The following MAGI2 variants were observed in gnomAD, a reference collection of about 807,000 sequenced individuals.
MAGI2 encodes the protein membrane-associated guanylate kinase, WW and PDZ domain-containing protein 2.
A neutral mutation model predicts 133.3 loss-of-function variants in MAGI2; 35 were observed. The ratio of observed to expected loss-of-function variants is 0.26; its 90% CI spans 0.20 to 0.35. The LOEUF is 0.35. Ranked by LOEUF, MAGI2 falls within the 10% of genes least tolerant of loss-of-function variation. The pLI, the probability that MAGI2 is intolerant of heterozygous loss-of-function variation, is 1.00. For missense variants in MAGI2, 1,636 were observed against 1,863.4 expected (o/e 0.88, Z 2.25); for synonymous variants, 729 against 710.6 (o/e 1.03, Z -0.41).
chr7:78,085,214 T>C (rs530959556), intron 20 of MAGI2, among the ~76,000 whole-genome samples: 2 of 152,296 alleles, frequency 1.3e-5, no homozygotes, highest in African/African-American at 4.8e-5. Context: ...CTTTATGCTA[T>C]GTTTTAGACA....
At chr7:78,287,482 C>G (rs771951053) in intron 9 of MAGI2, among the ~76,000 whole-genome samples, 1 of 152,122 alleles carries the variant, frequency 6.6e-6, no homozygotes, top group Non-Finnish European at 1.5e-5. Flanking sequence ...GGAGGTGGAA[C>G]AGACAATCTC....
intron 1 of MAGI2, among the ~76,000 whole-genome samples, chr7:79,185,550 G>A (rs1344277339): frequency 7.3e-6 from 1 of 136,122 alleles, no homozygotes. Context: ...TCAATGGCAT[G>A]TCTATTACAT....
chr7:78,212,389 G>T (rs1023447546), intron 10 of MAGI2, among the ~76,000 whole-genome samples: 1 of 152,174 alleles, frequency 6.6e-6, no homozygotes, highest in Non-Finnish European at 1.5e-5. Context: ...TTTCAAGAGA[G>T]GAAACGTTCC....
At chr7:79,218,217 ACC>A (rs1830181388) in intron 1 of MAGI2, among the ~76,000 whole-genome samples, 2 of 152,044 alleles carry the variant, frequency 1.3e-5, no homozygotes, top group African/African-American at 4.8e-5. Context: ...GTATTCCATG[ACC>A]TTATATATAA....
chr7:78,358,208 T>C (rs1325175310), intron 7 of MAGI2: 2 of 44,098 alleles, frequency 4.5e-5, no homozygotes, highest in African/African-American at 2.2e-4. Flanking sequence ...TATATATATA[T>C]ATATATATAT....
At chr7:79,452,829 C>A (rs745536685) in intron 1 of MAGI2, 191 bp downstream of exon 1, 3 of 614,606 alleles carry the variant, frequency 4.9e-6, no homozygotes, top group Non-Finnish European at 8.3e-6. Context: ...ACACCACAAC[C>A]TGCCCCTCCC....
At chr7:78,569,372 C>T (rs1801274347) in intron 3 of MAGI2, among the ~76,000 whole-genome samples, 1 of 152,108 alleles carries the variant, frequency 6.6e-6, no homozygotes, top group Admixed American at 6.5e-5. Flanking sequence ...ATCACATGTT[C>T]CCATATTTCA....
At chr7:78,447,661 G>T (rs1303674262) in intron 6 of MAGI2, among the ~76,000 whole-genome samples, 1 of 152,104 alleles carries the variant, frequency 6.6e-6, no homozygotes, top group African/African-American at 2.4e-5. Context: ...AAGAGAAGAG[G>T]CCTAAGAAAT....
intron 2 of MAGI2, among the ~76,000 whole-genome samples, chr7:78,828,761 T>A (rs745318480): frequency 1.3e-5 from 2 of 152,166 alleles, no homozygotes; most frequent in Non-Finnish European, 2.9e-5. Context: ...CTCTGTACTA[T>A]CTTCGTAAAT....
chr7:78,537,735 C>A (rs763092158), intron 3 of MAGI2, among the ~76,000 whole-genome samples: 1 of 151,796 alleles, frequency 6.6e-6, no homozygotes, highest in Non-Finnish European at 1.5e-5. Context: ...CTTGTAGATT[C>A]TAAGTATTAG....
chr7:78,930,614 GATCTT>G (rs1312096501), intron 2 of MAGI2, among the ~76,000 whole-genome samples: 16 of 152,026 alleles, frequency 1.1e-4, no homozygotes, highest in African/African-American at 3.9e-4. Context: ...GTACTTTAAA[GATCTT>G]ATCAGAAACA....
chr7:78,809,675 C>T (rs141064061), intron 2 of MAGI2, among the ~76,000 whole-genome samples: 441 of 151,754 alleles, frequency 2.9e-3, no homozygotes, highest in Non-Finnish European at 4.8e-3. Context: ...AGATTGTGGG[C>T]ACAGAAAATC....
chr7:79,213,236 GTGTATATATGTGGGTGTGTATA>G (rs1301363482), intron 1 of MAGI2, among the ~76,000 whole-genome samples: 1 of 147,988 alleles, frequency 6.8e-6, no homozygotes, highest in Non-Finnish European at 1.5e-5. Context: ...GTGTGTGTGT[GTGTATATATGTGGGTGTGTATA>G]TATATATGTG....
intron 9 of MAGI2, among the ~76,000 whole-genome samples, chr7:78,275,846 GCTGACTGTAAAT>G (rs143021534): frequency 0.016 from 2,486 of 152,242 alleles, 74 homozygotes; most frequent in African/African-American, 0.057. Flanking sequence ...TAGCCCTTTA[GCTGACTGTAAAT>G]AAATCAGTTC....
chr7:78,509,155 AAAAC>A (rs1479229644), intron 4 of MAGI2, among the ~76,000 whole-genome samples: 1 of 152,118 alleles, frequency 6.6e-6, no homozygotes, highest in East Asian at 1.9e-4. Context: ...ACTGACAATA[AAAAC>A]AAAGAATATT....
chr7:79,278,364 T>A (rs150353550), intron 1 of MAGI2, among the ~76,000 whole-genome samples: 1 of 152,292 alleles, frequency 6.6e-6, no homozygotes, highest in East Asian at 1.9e-4. Context: ...GCCTCTTTCT[T>A]TATAAATTAC....
Position 78,870,355 on chromosome 7 carries a change from G to GA in MAGI2, c.418+136734dup, listed in dbSNP as rs34158706. On this transcript the variant is annotated intron_variant, in intron 2 of 21. Coordinates refer to ENST00000354212, the MANE Select transcript of MAGI2 (RefSeq NM_012301.4). ...GGTGACAAAGTGAGACCCTGTCTCA[G>GA]AAAAAAAAAAAAAAAAATAGTAGTA... Among the ~76,000 whole-genome samples the GA allele has an allele frequency of 9.6e-3, 1,059 of 109,900 alleles. 7 individuals carry two copies. Among genetic ancestry groups the GA allele is most frequent in the Middle Eastern group, 0.03 (7 of 234 alleles). 72.1% of individuals were successfully genotyped at this position (109,900 alleles called of 152,430 possible). A position where few individuals can be genotyped will look rare whatever the true frequency, so the allele number is the denominator to read the frequency against.
chr7:78,944,976 C>T (rs575055672), intron 2 of MAGI2, among the ~76,000 whole-genome samples: 5 of 151,330 alleles, frequency 3.3e-5, no homozygotes, highest in Admixed American at 2.6e-4. Flanking sequence ...TGGGCTCAGG[C>T]GATCTGTCCG....
intron 1 of MAGI2, among the ~76,000 whole-genome samples, chr7:79,264,855 GAC>G (rs200293762): frequency 1.3e-5 from 2 of 150,978 alleles, no homozygotes; most frequent in Non-Finnish European, 1.5e-5. Context: ...AAACGAGAGA[GAC>G]ACAGAGAGAG....
Sources: gnomAD v4.1 joint callset for allele counts (sites outside exome capture counted in the v4.1 genomes callset) on GRCh38, gnomAD v4.1.1 for gene constraint, MANE v1.5 for transcripts, NCBI Gene and HGNC (gene_info 2026-07-23, HGNC 2026-07-21) for gene names.